The following TRIP11 variants were observed in gnomAD, a reference collection of about 807,000 sequenced individuals.
TRIP11 encodes thyroid hormone receptor interactor 11.
In TRIP11, 148 loss-of-function variants were observed where a neutral mutation model predicts 223.1. The observed-to-expected ratio is 0.66, with a 90% CI of 0.58 to 0.76. TRIP11 has a LOEUF of 0.76. Among genes scored for constraint, TRIP11 ranks in the 30% least tolerant of loss-of-function variants. The pLI, the probability that TRIP11 is intolerant of heterozygous loss-of-function variation, is 0.00. For missense variants in TRIP11, 2,043 were observed against 2,222.0 expected (o/e 0.92, Z 1.62); for synonymous variants, 762 against 772.6 (o/e 0.99, Z 0.23).
chr14:92,005,594 G>A lies in TRIP11; in HGVS notation c.2382C>T (p.Asp794=), dbSNP rs372227102. 173 of 1,613,292 alleles carry A rather than the reference G, an allele frequency of 1.1e-4. No individual in the cohort carries two copies. Among genetic ancestry groups the A allele is most frequent in the Non-Finnish European group, 1.2e-4 (145 of 1,179,940 alleles). Residue 794 remains aspartate (D), a synonymous_variant, in exon 11 of 21, where the codon GAC becomes GAT. Transcript: ENST00000267622. Reference sequence around the variant, plus strand: ...GCTCTTCTAAACTAGATGACAAAACGTCCTTAGTTTCTTTATGGTCAGTAT... The same window carrying A: ...GCTCTTCTAAACTAGATGACAAAACATCCTTAGTTTCTTTATGGTCAGTAT... ...QMDTDHKETK[D]VLSSSLEEQK...
Position 91,966,924 on chromosome 14 carries a change from C to T in TRIP11, c.*2749G>A, listed in dbSNP as rs12433888. The T allele has an allele frequency of 2.5e-4, 53 of 210,146 alleles. No homozygotes were observed. The highest frequency in any genetic ancestry group is 1.1e-3 in the African/African-American group (49 of 44,052). 13.0% of individuals were successfully genotyped at this position (210,146 alleles called of 1,614,324 possible). A position where few individuals can be genotyped will look rare whatever the true frequency, so the allele number is the denominator to read the frequency against. ...CTGTAGTTAAAATATTGCAGTTAAACGCACTGTTAGCAATGTCCTATTGCC... is the reference window on the plus strand; with the variant it reads ...CTGTAGTTAAAATATTGCAGTTAAATGCACTGTTAGCAATGTCCTATTGCC... On this transcript the variant is annotated 3_prime_UTR_variant, in exon 21 of 21. Coordinates refer to ENST00000267622, the MANE Select transcript of TRIP11 (RefSeq NM_004239.4).
intron 13 of TRIP11, among the ~76,000 whole-genome samples, chr14:91,998,738 C>A (rs2056782484): frequency 6.6e-6 from 1 of 151,076 alleles, no homozygotes. Context: ...AAATAAAAAT[C>A]TAAAATATAT....
chr14:91,970,865 A>AC (rs1387101019), intron 20 of TRIP11, among the ~76,000 whole-genome samples: 2 of 152,194 alleles, frequency 1.3e-5, no homozygotes, highest in Non-Finnish European at 2.9e-5. Context: ...CTCTTTACTT[A>AC]CCCATCTGAA....
At chr14:91,995,649 T>G (rs1670527130) in intron 13 of TRIP11, 134 bp from the exon 14 acceptor site, 1 of 891,920 alleles carries the variant, frequency 1.1e-6, no homozygotes, top group Non-Finnish European at 1.6e-6. Context: ...AGAGTCTCGC[T>G]CTGTCACCCA....
rs1555386357 is a variant in TRIP11, at chr14:92,005,241, A to G, written c.2735T>C (p.Ile912Thr). ...NTIKEHLEEE[I>T]KHHQKIIEDQ... ...TTCAATTATCTTTTGATGATGTTTA[A>G]TTTCCTCTTCAAGATGTTCCTTGAT... Residue 912 changes from isoleucine (I) to threonine (T), a missense_variant, in exon 11 of 21, where the codon ATT becomes ACT. Physicochemically the swap from Ile to Thr is moderately conservative, Grantham distance 89. Coordinates refer to ENST00000267622, the MANE Select transcript of TRIP11 (RefSeq NM_004239.4). 6.2e-7 allele frequency: 1 copy of G among 1,613,934 alleles called. No individual in the cohort carries two copies. The highest frequency in any genetic ancestry group is 8.5e-7 in the Non-Finnish European group (1 of 1,180,024).
Position 92,015,682 on chromosome 14 carries a change from A to G in TRIP11, c.823+14T>C. The G allele has an allele frequency of 6.3e-7, 1 of 1,587,666 alleles. No homozygotes were observed. The highest frequency in any genetic ancestry group is 8.6e-7 in the Non-Finnish European group (1 of 1,165,624). On this transcript the variant is annotated intron_variant, in intron 6 of 20. Coordinates refer to ENST00000267622, the MANE Select transcript of TRIP11 (RefSeq NM_004239.4). ...CAAAAAAAATAATAATAATAAAGAA[A>G]TAAAACTAATAACCTTGTTGTAACA...
intron 1 of TRIP11, among the ~76,000 whole-genome samples, chr14:92,034,525 A>G (rs1256068985): frequency 6.6e-6 from 1 of 152,228 alleles, no homozygotes; most frequent in Non-Finnish European, 1.5e-5. Context: ...TCTCAATACT[A>G]TCAAATAATA....
chr14:91,975,943 T>C (rs2056458590), intron 17 of TRIP11, among the ~76,000 whole-genome samples, 165 bp downstream of exon 17: 1 of 152,302 alleles, frequency 6.6e-6, no homozygotes, highest in African/African-American at 2.4e-5. Flanking sequence ...AGGTAAGTGA[T>C]TCTGCTGACT....
At chr14:92,017,532 T>G (rs2057049841) in intron 5 of TRIP11, 150 bp downstream of exon 5, 1 of 646,082 alleles carries the variant, frequency 1.5e-6, no homozygotes, top group Non-Finnish European at 2.7e-6. Flanking sequence ...GGCAACACAG[T>G]GAGATCCTAT....
At chr14:92,001,409 C>G (rs188951915) in intron 11 of TRIP11, among the ~76,000 whole-genome samples, 30 of 148,718 alleles carry the variant, frequency 2.0e-4, no homozygotes, top group Middle Eastern at 3.5e-3. Flanking sequence ...AAAGAAAGAG[C>G]AAATGCTTGA....
chr14:91,999,533 T>C (rs1444360256), intron 12 of TRIP11, 100 bp from the exon 13 acceptor site: 1 of 1,269,314 alleles, frequency 7.9e-7, no homozygotes, highest in Non-Finnish European at 1.1e-6. Context: ...AAGATATTAA[T>C]TGTATACCAA....
At chr14:92,013,262 G>A (rs2056995228) in intron 7 of TRIP11, among the ~76,000 whole-genome samples, 1 of 151,928 alleles carries the variant, frequency 6.6e-6, no homozygotes, top group Non-Finnish European at 1.5e-5. Flanking sequence ...GCGAGACTCT[G>A]TCTCAAAAAA....
At chr14:91,994,408 T>C (rs1035666370) in intron 14 of TRIP11, among the ~76,000 whole-genome samples, 1 of 151,972 alleles carries the variant, frequency 6.6e-6, no homozygotes, top group African/African-American at 2.4e-5. Context: ...CACACCTGGC[T>C]AATTTGTGTA....
At chr14:92,028,902 C>T (rs911152000) in intron 2 of TRIP11, among the ~76,000 whole-genome samples, 6 of 152,068 alleles carry the variant, frequency 3.9e-5, no homozygotes, top group African/African-American at 1.4e-4. Context: ...AACTTAATTT[C>T]TTTTTTAGGC....
intron 5 of TRIP11, 144 bp downstream of exon 5, chr14:92,017,538 C>T: frequency 1.5e-6 from 1 of 667,444 alleles, no homozygotes; most frequent in Non-Finnish European, 2.5e-6. Flanking sequence ...ACAGTGAGAT[C>T]CTATCTCTAA....
At chr14:91,993,400 CG>C (rs1221891370) in intron 15 of TRIP11, among the ~76,000 whole-genome samples, 1 of 145,800 alleles carries the variant, frequency 6.9e-6, no homozygotes, top group Non-Finnish European at 1.5e-5. Flanking sequence ...TGCTTGAACC[CG>C]GAAGGCAGAG....
intron 4 of TRIP11, among the ~76,000 whole-genome samples, chr14:92,019,691 G>A (rs1283167979): frequency 6.6e-6 from 1 of 152,070 alleles, no homozygotes; most frequent in African/African-American, 2.4e-5. Context: ...AATTTCCATA[G>A]TATACAGGTT....
chr14:91,974,638 C>T lies in TRIP11; in HGVS notation c.5563G>A (p.Val1855Met), dbSNP rs1482253596. ...AAATTGTTTCTTACACTATTAACCACAGATTGCTGATTTGGTCTCAAAGGT... is the reference window on the plus strand; with the variant it reads ...AAATTGTTTCTTACACTATTAACCATAGATTGCTGATTTGGTCTCAAAGGT... ...NTPLRPNQQS[V>M]VNSSFSELFV... The change falls in exon 19 of 21, where the codon GTG (valine) becomes ATG (methionine). Residue 1855 changes from valine to methionine, a missense_variant. Transcript: ENST00000267622. The T allele has an allele frequency of 1.2e-6, 2 of 1,611,826 alleles. No homozygotes were observed. Among genetic ancestry groups the T allele is most frequent in the Middle Eastern group, 2.2e-4 (1 of 4,592 alleles).
At chr14:91,982,664 C>A (rs984217357) in intron 16 of TRIP11, among the ~76,000 whole-genome samples, 1 of 152,138 alleles carries the variant, frequency 6.6e-6, no homozygotes, top group Admixed American at 6.5e-5. Context: ...TTGCAGATAT[C>A]CAGGGTCTCT....
Sources: allele counts gnomAD v4.1 joint callset (sites outside exome capture counted in the v4.1 genomes callset), GRCh38; gene constraint gnomAD v4.1.1; transcripts MANE v1.5; gene names NCBI Gene and HGNC (gene_info 2026-07-23, HGNC 2026-07-21).